The following NTM variants were observed in gnomAD, a reference collection of about 807,000 sequenced individuals.
NTM encodes neurotrimin, also known as IgLON family member 2.
Under a neutral mutation model 42.1 loss-of-function variants are expected in NTM, and 13 were observed. The ratio of observed to expected loss-of-function variants is 0.31; its 90% CI spans 0.20 to 0.49. The LOEUF (loss-of-function observed/expected upper bound fraction) is 0.49. Ranked by LOEUF, NTM falls within the 20% of genes least tolerant of loss-of-function variation. The pLI is 0.99. For missense variants in NTM, 373 were observed against 452.8 expected (o/e 0.82, Z 1.60); for synonymous variants, 187 against 179.2 (o/e 1.04, Z -0.35).
At chr11:131,756,808 C>A (rs12795815) in intron 1 of NTM, among the ~76,000 whole-genome samples, 17,807 of 152,196 alleles carry the variant, frequency 0.12, 1,081 homozygotes, top group South Asian at 0.19. Flanking sequence ...CTGACCATAA[C>A]ACATAGTCCT....
At chr11:131,844,570 A>G (rs1303782380) in intron 1 of NTM, among the ~76,000 whole-genome samples, 2 of 152,140 alleles carry the variant, frequency 1.3e-5, no homozygotes, top group East Asian at 1.9e-4. Flanking sequence ...GAATTGACAT[A>G]TTTATGATGT....
At chr11:131,412,640 G>A (rs984084208) in intron 1 of NTM, among the ~76,000 whole-genome samples, 1 of 152,198 alleles carries the variant, frequency 6.6e-6, no homozygotes, top group Non-Finnish European at 1.5e-5. Flanking sequence ...TTGTTGCTGA[G>A]TGATGTGGTT....
At chr11:131,951,913 T>C (rs1046848624) in intron 2 of NTM, among the ~76,000 whole-genome samples, 34 of 151,074 alleles carry the variant, frequency 2.3e-4, no homozygotes, top group African/African-American at 8.3e-4. Flanking sequence ...AAAGTCATGA[T>C]AATGCGATTT....
At chr11:131,557,985 ATGT>A (rs1399197338) in intron 1 of NTM, among the ~76,000 whole-genome samples, 1 of 152,182 alleles carries the variant, frequency 6.6e-6, no homozygotes, top group East Asian at 1.9e-4. Context: ...TACCAATGAA[ATGT>A]TGTCCCCTAC....
At chr11:132,101,474 A>G (rs2061604789) in intron 2 of NTM, among the ~76,000 whole-genome samples, 1 of 152,300 alleles carries the variant, frequency 6.6e-6, no homozygotes, top group South Asian at 2.1e-4. Context: ...TGGTCAGGAA[A>G]TATCTGTTGA....
At chr11:131,791,949 C>A (rs1255201196) in intron 1 of NTM, among the ~76,000 whole-genome samples, 2 of 152,106 alleles carry the variant, frequency 1.3e-5, no homozygotes, top group African/African-American at 4.8e-5. Context: ...TTGTCATAAG[C>A]CTAAGGTTAA....
In NTM at chr11:132,003,129, C is replaced by T. The variant is rs1415623524; in HGVS notation, c.167+91481C>T. 6.6e-6 allele frequency among the ~76,000 whole-genome samples: 1 copy of T among 152,098 alleles called. No homozygotes were observed. Among genetic ancestry groups the T allele is most frequent in the Non-Finnish European group, 1.5e-5 (1 of 68,036 alleles). The stretch of plus-strand genomic sequence containing the variant: ...TTATAGTCAATTCTGCTTATATTTC[C>T]TCCTTCACCCTAATGCTAGCCCGGT... On this transcript the variant is annotated intron_variant, in intron 2 of 8. Transcript: ENST00000683400. This position sits in a 1 kb window ranked among gnomAD's most constrained non-coding sequence, Gnocchi z 6.0.
intron 4 of NTM, among the ~76,000 whole-genome samples, chr11:132,215,417 C>A (rs2083640980): frequency 6.6e-6 from 1 of 151,852 alleles, no homozygotes; most frequent in Non-Finnish European, 1.5e-5. Flanking sequence ...CTTATATAAA[C>A]CTCTTTAAAT....
chr11:131,404,308 C>T (rs1945570635), intron 1 of NTM, among the ~76,000 whole-genome samples: 1 of 152,210 alleles, frequency 6.6e-6, no homozygotes. Context: ...TAATCTACCT[C>T]TCAGCAGCGC....
intron 1 of NTM, among the ~76,000 whole-genome samples, chr11:131,724,569 G>A (rs762781638): frequency 5.9e-5 from 9 of 152,084 alleles, no homozygotes; most frequent in Non-Finnish European, 1.3e-4. Flanking sequence ...GACTTTTCCC[G>A]CTGCACCTCA....
chr11:131,945,109 T>C (rs1053257384), intron 2 of NTM, among the ~76,000 whole-genome samples: 1 of 152,240 alleles, frequency 6.6e-6, no homozygotes, highest in Non-Finnish European at 1.5e-5. Flanking sequence ...AAGCAGTATG[T>C]GCATTAAAGG....
chr11:132,115,674 AT>A (rs564036613), intron 2 of NTM, among the ~76,000 whole-genome samples: 89 of 152,302 alleles, frequency 5.8e-4, no homozygotes, highest in African/African-American at 2.1e-3. Flanking sequence ...CCCAGGAGCT[AT>A]TGAATAAGCC....
chr11:132,006,075 T>A (rs974047767), intron 2 of NTM, among the ~76,000 whole-genome samples: 1 of 152,198 alleles, frequency 6.6e-6, no homozygotes, highest in African/African-American at 2.4e-5. Flanking sequence ...TGATTAGGCA[T>A]GCTTCTCTTT....
chr11:132,106,692 A>C (rs2062415112), intron 2 of NTM, among the ~76,000 whole-genome samples: 1 of 152,222 alleles, frequency 6.6e-6, no homozygotes, highest in African/African-American at 2.4e-5. Context: ...CTCAGGCAGA[A>C]CTGAGTTTAT....
intron 1 of NTM, among the ~76,000 whole-genome samples, chr11:131,698,138 A>C (rs1486996629): frequency 6.6e-6 from 1 of 152,104 alleles, no homozygotes; most frequent in Non-Finnish European, 1.5e-5. Flanking sequence ...TCTTTTTTCT[A>C]ATTCAACTTT....
chr11:131,652,266 C>A (rs774443777), intron 1 of NTM, among the ~76,000 whole-genome samples: 21 of 152,156 alleles, frequency 1.4e-4, no homozygotes, highest in Admixed American at 2.6e-4. Flanking sequence ...GAGACATGAT[C>A]ATTGTGTTTT....
chr11:132,067,071 C>T (rs965558189), intron 2 of NTM, among the ~76,000 whole-genome samples: 8 of 152,268 alleles, frequency 5.3e-5, no homozygotes, highest in African/African-American at 1.2e-4. Flanking sequence ...CCTCCTACCT[C>T]GGCCTCTTAA....
At chr11:132,150,196 G>T (rs1222000289) in intron 3 of NTM, among the ~76,000 whole-genome samples, 1 of 152,050 alleles carries the variant, frequency 6.6e-6, no homozygotes, top group Non-Finnish European at 1.5e-5. Context: ...ACGGTGCCAG[G>T]CTCTTTTTTA....
chr11:131,659,917 T>C (rs1388571209), intron 1 of NTM, among the ~76,000 whole-genome samples: 1 of 151,994 alleles, frequency 6.6e-6, no homozygotes, highest in East Asian at 1.9e-4. Flanking sequence ...AGGAAATGAG[T>C]TATTCAGGCA....
Sources: allele counts gnomAD v4.1 joint callset (sites outside exome capture counted in the v4.1 genomes callset), GRCh38; gene constraint gnomAD v4.1.1; non-coding constraint Gnocchi (gnomAD v3.1); transcripts MANE v1.5; gene names NCBI Gene and HGNC (gene_info 2026-07-23, HGNC 2026-07-21).